ERC2: variants seen among roughly 807,000 people sequenced by gnomAD.
ERC2 encodes ERC protein 2.
A neutral mutation model predicts 114.8 loss-of-function variants in ERC2; 42 were observed. The ratio of observed to expected loss-of-function variants is 0.37; its 90% CI spans 0.29 to 0.47. The LOEUF is 0.47. ERC2 is among the 20% of genes least tolerant of loss of function. ERC2 has a pLI of 0.99. For synonymous variants in ERC2, 454 were observed against 425.5 expected, an observed-to-expected ratio of 1.07 and a Z score of -0.82; for missense variants, 939 against 1,150.7, an observed-to-expected ratio of 0.82 and a Z score of 2.66.
At chr3:55,600,684 A>G (rs2058359464) in intron 17 of ERC2, among the ~76,000 whole-genome samples, 1 of 152,262 alleles carries the variant, frequency 6.6e-6, no homozygotes, top group African/African-American at 2.4e-5. Context: ...GAAGAGGAAT[A>G]GAAGCCTAGA....
chr3:55,628,752 TTAAGAA>T (rs1394505406), intron 17 of ERC2, among the ~76,000 whole-genome samples: 1 of 152,204 alleles, frequency 6.6e-6, no homozygotes, highest in Non-Finnish European at 1.5e-5. Flanking sequence ...AACCTGGCTA[TTAAGAA>T]TATTTTCTCT....
Position 56,139,621 on chromosome 3 carries a change from T to C in ERC2, c.1361A>G (p.Gln454Arg). ...SKKESELLAL[Q>R]TKLETLSNQN... ...ATTGCTGAGGGTTTCAAGCTTTGTTTGTAAGGCAAGAAGTTCCGACTCTTT... is the reference window on the plus strand; with the variant it reads ...ATTGCTGAGGGTTTCAAGCTTTGTTCGTAAGGCAAGAAGTTCCGACTCTTT... Residue 454 changes from glutamine (Q) to arginine (R), a missense_variant, in exon 6 of 18, where the codon CAA (glutamine) becomes CGA (arginine). Gln to Arg is a conservative substitution (Grantham distance 43, BLOSUM62 1). Around this residue, in one of 5 missense-constraint regions of ERC2, gnomAD observed 149 missense variants for 254.6 expected, o/e 0.59. Coordinates refer to ENST00000288221, the MANE Select transcript of ERC2 (RefSeq NM_015576.3). 6.2e-7 allele frequency: 1 copy of C among 1,612,388 alleles called. No homozygotes were observed. Among genetic ancestry groups the C allele is most frequent in the Non-Finnish European group, 8.5e-7 (1 of 1,179,188 alleles).
At chr3:55,773,460 T>C (rs771265127) in intron 14 of ERC2, among the ~76,000 whole-genome samples, 9 of 152,266 alleles carry the variant, frequency 5.9e-5, no homozygotes, top group Non-Finnish European at 1.2e-4. Flanking sequence ...CTTATCACTA[T>C]CAAAATATCA....
In ERC2 at chr3:56,175,734, A is replaced by G. The variant is rs142751512; in HGVS notation, c.1075-2214T>C. Among the ~76,000 whole-genome samples, 88 of 152,280 alleles carry G rather than the reference A, an allele frequency of 5.8e-4. No homozygotes were observed. In the East Asian group the frequency reaches 0.012, roughly 20 times the overall value. ...GGAAGGGAGACACAATAGCACCCCC[A>G]TTGTATGGTATTTTCTACCACACAG... On this transcript the variant is annotated intron_variant, in intron 3 of 17. Coordinates refer to ENST00000288221, the MANE Select transcript of ERC2 (RefSeq NM_015576.3).
intron 16 of ERC2, among the ~76,000 whole-genome samples, chr3:55,688,102 A>C (rs757419606): frequency 2.6e-5 from 4 of 152,080 alleles, no homozygotes; most frequent in Non-Finnish European, 5.9e-5. Flanking sequence ...ATTTATTATA[A>C]TCTCTGGGGC....
chr3:55,543,985 C>T (rs1454046001), intron 17 of ERC2, among the ~76,000 whole-genome samples: 1 of 152,202 alleles, frequency 6.6e-6, no homozygotes, highest in Admixed American at 6.5e-5. Flanking sequence ...AGGAGTCCAT[C>T]CAGATGATGA....
At chr3:55,729,718 G>T (rs1000728300) in intron 15 of ERC2, among the ~76,000 whole-genome samples, 1 of 151,384 alleles carries the variant, frequency 6.6e-6, no homozygotes, top group African/African-American at 2.4e-5. Flanking sequence ...CACAGCTGTA[G>T]TCCCAGCTAC....
intron 3 of ERC2, among the ~76,000 whole-genome samples, chr3:56,278,648 G>A (rs1436758329): frequency 6.6e-6 from 1 of 152,186 alleles, no homozygotes; most frequent in African/African-American, 2.4e-5. Context: ...AGGTTTATTT[G>A]GCTCACAGTT....
intron 13 of ERC2, among the ~76,000 whole-genome samples, chr3:55,889,875 A>G (rs1418315307): frequency 1.3e-5 from 2 of 152,214 alleles, no homozygotes; most frequent in Non-Finnish European, 2.9e-5. Context: ...TCAGTTTTAC[A>G]TGAAATTTAT....
intron 16 of ERC2, among the ~76,000 whole-genome samples, chr3:55,697,463 A>G (rs1007491426): frequency 3.3e-5 from 5 of 152,184 alleles, no homozygotes; most frequent in African/African-American, 1.2e-4. Context: ...ACACCACCCT[A>G]TGACAAACTC....
intron 3 of ERC2, among the ~76,000 whole-genome samples, chr3:56,280,359 C>T (rs1363942410): frequency 6.6e-6 from 1 of 152,114 alleles, no homozygotes; most frequent in East Asian, 1.9e-4. Context: ...TGTCTAAAAC[C>T]ACTAAGTTTG....
chr3:56,462,265 A>C (rs1268607476), intron 1 of ERC2, among the ~76,000 whole-genome samples: 2 of 152,236 alleles, frequency 1.3e-5, no homozygotes, highest in Non-Finnish European at 2.9e-5. Flanking sequence ...AGAAGTGAAT[A>C]CTAGCCTTCA....
chr3:56,318,323 G>C (rs558560001), intron 2 of ERC2, among the ~76,000 whole-genome samples: 1 of 152,016 alleles, frequency 6.6e-6, no homozygotes, highest in Non-Finnish European at 1.5e-5. Context: ...CTACAGGCAT[G>C]TGCCACCATG....
At chr3:56,224,087 A>C (rs1008760548) in intron 3 of ERC2, among the ~76,000 whole-genome samples, 1 of 152,236 alleles carries the variant, frequency 6.6e-6, no homozygotes, top group African/African-American at 2.4e-5. Flanking sequence ...TCATATTTTT[A>C]GATTCAGATC....
chr3:56,298,250 A>G lies in ERC2; in HGVS notation c.658-1815T>C, dbSNP rs2055587168. ...TCTTTATGCCTGTTATGGACCTTTC[A>G]TATCAATGGTATCATGCAATAAGTG... On this transcript the variant is annotated intron_variant, in intron 2 of 17. Coordinates refer to ENST00000288221, the MANE Select transcript of ERC2 (RefSeq NM_015576.3). Among the ~76,000 whole-genome samples, 3 of 152,178 alleles carry G rather than the reference A, an allele frequency of 2.0e-5. No individual in the cohort carries two copies. The South Asian group carries it at 6.2e-4, about 32-fold the overall frequency.
At chr3:56,071,763 A>C (rs1236225447) in intron 7 of ERC2, among the ~76,000 whole-genome samples, 1 of 152,216 alleles carries the variant, frequency 6.6e-6, no homozygotes, top group African/African-American at 2.4e-5. Flanking sequence ...TTAGAAGAAA[A>C]GCAATGTATA....
In ERC2 at chr3:55,663,564, G is replaced by A. The variant is rs763286272; in HGVS notation, c.*39+20230C>T. On this transcript the variant is annotated intron_variant, in intron 17 of 17. Transcript: ENST00000288221. ...AAACCTATGCCCCAGCCCCCACCTCGTCTGCAGATCACCTATCAGGGTTGA... is the reference window on the plus strand; with the variant it reads ...AAACCTATGCCCCAGCCCCCACCTCATCTGCAGATCACCTATCAGGGTTGA... Among the ~76,000 whole-genome samples the A allele has an allele frequency of 3.9e-5, 6 of 152,158 alleles. No homozygotes were observed. The East Asian group carries it at 5.8e-4, about 15-fold the overall frequency.
intron 12 of ERC2, among the ~76,000 whole-genome samples, chr3:55,972,792 A>T (rs2069268278): frequency 6.6e-6 from 1 of 152,198 alleles, no homozygotes; most frequent in Non-Finnish European, 1.5e-5. Context: ...TTTGAGAGAA[A>T]TCAGGGAGTA....
chr3:55,586,892 A>T (rs549764019), intron 17 of ERC2, among the ~76,000 whole-genome samples: 88 of 152,244 alleles, frequency 5.8e-4, no homozygotes, highest in African/African-American at 2.0e-3. Flanking sequence ...TTTCCTCAAA[A>T]TTTTTTTCTA....
Sources: allele counts gnomAD v4.1 joint callset (sites outside exome capture counted in the v4.1 genomes callset), GRCh38; gene constraint gnomAD v4.1.1; regional missense constraint gnomAD v4.1.1; transcripts MANE v1.5; gene names NCBI Gene and HGNC (gene_info 2026-07-23, HGNC 2026-07-21).